SPATA17: variants seen among roughly 807,000 people sequenced by gnomAD.
The protein encoded by SPATA17 is spermatogenesis associated 17, also known as spermatogenesis-associated protein 17.
In SPATA17, 53 loss-of-function variants were observed where a neutral mutation model predicts 62.2. That is an observed-to-expected ratio of 0.85 (90% CI 0.68 to 1.07). SPATA17 has a LOEUF of 1.07. Ranked by LOEUF, SPATA17 falls within the 50% of genes least tolerant of loss-of-function variation. SPATA17 has a pLI of 0.00. For synonymous variants in SPATA17, 146 were observed against 146.8 expected (o/e 0.99, Z 0.04); for missense variants, 466 against 425.5 (o/e 1.10, Z -0.84).
At chr1:217,729,060 C>T (rs1470042331) in intron 5 of SPATA17, among the ~76,000 whole-genome samples, 3 of 152,228 alleles carry the variant, frequency 2.0e-5, no homozygotes, top group Non-Finnish European at 2.9e-5. Context: ...AGGGCATCCT[C>T]TAGCTTGGTT....
chr1:217,864,280 T>C (rs1675956924), intron 10 of SPATA17, among the ~76,000 whole-genome samples: 1 of 152,144 alleles, frequency 6.6e-6, no homozygotes, highest in South Asian at 2.1e-4. Context: ...GTCCTGTTTA[T>C]GATAATGAAA....
At chr1:217,817,558 G>A (rs558535295) in intron 9 of SPATA17, among the ~76,000 whole-genome samples, 1 of 152,128 alleles carries the variant, frequency 6.6e-6, no homozygotes, top group Admixed American at 6.6e-5. Flanking sequence ...CTTTATAGCA[G>A]TGTGAGAATG....
intron 8 of SPATA17, chr1:217,784,934 C>G (rs943777984): frequency 6.6e-6 from 1 of 152,096 alleles, no homozygotes; most frequent in Non-Finnish European, 1.5e-5. Flanking sequence ...GTACCACAAA[C>G]GGATGGCTTA....
intron 5 of SPATA17, among the ~76,000 whole-genome samples, chr1:217,740,040 C>A (rs1255702045): frequency 6.6e-6 from 1 of 151,696 alleles, no homozygotes; most frequent in Non-Finnish European, 1.5e-5. Context: ...TTTTACATTT[C>A]CATATTCTGA....
chr1:217,705,058 A>C (rs1159233245), intron 5 of SPATA17, among the ~76,000 whole-genome samples: 1 of 152,166 alleles, frequency 6.6e-6, no homozygotes, highest in Admixed American at 6.5e-5. Flanking sequence ...CGACCTTGCC[A>C]ACATCTGTTA....
At chr1:217,669,845 AG>A (rs1670794310) in intron 4 of SPATA17, among the ~76,000 whole-genome samples, 1 of 152,164 alleles carries the variant, frequency 6.6e-6, no homozygotes, top group African/African-American at 2.4e-5. Context: ...GGTGAACCAT[AG>A]TGGCTAAGTT....
intron 9 of SPATA17, among the ~76,000 whole-genome samples, chr1:217,854,927 C>T (rs1447581801): frequency 6.6e-6 from 1 of 152,164 alleles, no homozygotes; most frequent in Non-Finnish European, 1.5e-5. Context: ...TTTGTCAAGT[C>T]CCTACTTTGT....
intron 5 of SPATA17, among the ~76,000 whole-genome samples, chr1:217,703,201 C>G (rs112340194): frequency 0.016 from 1,458 of 90,890 alleles, 25 homozygotes; most frequent in African/African-American, 0.058. Flanking sequence ...AATGGAGTCT[C>G]ACTCTGTCGC....
chr1:217,643,838 C>T (rs926041441), intron 1 of SPATA17, among the ~76,000 whole-genome samples: 6 of 151,934 alleles, frequency 3.9e-5, no homozygotes, highest in Non-Finnish European at 7.4e-5. Flanking sequence ...AAGCAATTCT[C>T]CTGCGTTAGC....
chr1:217,791,660 G>A (rs1244625940), intron 8 of SPATA17, among the ~76,000 whole-genome samples: 1 of 152,176 alleles, frequency 6.6e-6, no homozygotes, highest in African/African-American at 2.4e-5. Flanking sequence ...TTGAGAATAT[G>A]TACTTTTAGT....
At chr1:217,734,151 A>C (rs990740026) in intron 5 of SPATA17, among the ~76,000 whole-genome samples, 2 of 152,224 alleles carry the variant, frequency 1.3e-5, no homozygotes, top group Non-Finnish European at 2.9e-5. Context: ...CCAGAATCCT[A>C]GCATTTAAAT....
rs1006756187 is a variant in SPATA17 at position 217,774,308 on chromosome 1, A to G, written c.520-26A>G. 43 of 1,584,236 alleles carry G rather than the reference A, an allele frequency of 2.7e-5. No homozygotes were observed. The Admixed American group carries it at 6.6e-4, about 24-fold the overall frequency. On this transcript the variant is annotated intron_variant, in intron 6 of 10. Transcript: ENST00000366933. ...ATTTCATCTGAAAATTAAAGAAAAAATCAAAATTGCTTTCTTCTTCTTTAG... is the reference window on the plus strand; with the variant it reads ...ATTTCATCTGAAAATTAAAGAAAAAGTCAAAATTGCTTTCTTCTTCTTTAG...
intron 5 of SPATA17, among the ~76,000 whole-genome samples, chr1:217,736,035 C>T (rs1672503500): frequency 6.6e-6 from 1 of 151,524 alleles, no homozygotes; most frequent in East Asian, 1.9e-4. Context: ...TGCTCTTTTT[C>T]CTCAAAAATA....
intron 6 of SPATA17, among the ~76,000 whole-genome samples, chr1:217,752,030 A>G (rs1169751621): frequency 2.6e-5 from 4 of 152,118 alleles, no homozygotes; most frequent in Non-Finnish European, 4.4e-5. Context: ...ATAAAAGAGG[A>G]TAAGTTCATT....
At chr1:217,808,455 G>T (rs1482375962) in intron 9 of SPATA17, among the ~76,000 whole-genome samples, 2 of 152,010 alleles carry the variant, frequency 1.3e-5, no homozygotes, top group African/African-American at 2.4e-5. Context: ...AAGGGTATGG[G>T]TTCCACATAC....
chr1:217,802,823 T>C (rs1674345467), intron 9 of SPATA17, among the ~76,000 whole-genome samples: 2 of 152,158 alleles, frequency 1.3e-5, no homozygotes, highest in Admixed American at 1.3e-4. Flanking sequence ...TCTTTCCATC[T>C]CAAAAGCCAC....
At chr1:217,667,718 C>T (rs914900976) in intron 3 of SPATA17, among the ~76,000 whole-genome samples, 8 of 152,160 alleles carry the variant, frequency 5.3e-5, no homozygotes, top group East Asian at 1.9e-4. Flanking sequence ...TAATATCCAA[C>T]GTATTTCTTC....
intron 9 of SPATA17, among the ~76,000 whole-genome samples, chr1:217,809,671 C>A (rs1674535861): frequency 6.6e-6 from 1 of 152,154 alleles, no homozygotes. Context: ...TGGCACCAAG[C>A]AATTTACGAG....
At chr1:217,749,983 CTCTATA>C (rs1263450865) in intron 6 of SPATA17, among the ~76,000 whole-genome samples, 33 of 24,066 alleles carry the variant, frequency 1.4e-3, no homozygotes, top group Non-Finnish European at 2.1e-3. Flanking sequence ...CTCTCTCTCT[CTCTATA>C]TATATATATA....
Sources: gnomAD v4.1 joint callset for allele counts (sites outside exome capture counted in the v4.1 genomes callset) on GRCh38, gnomAD v4.1.1 for gene constraint, MANE v1.5 for transcripts, NCBI Gene and HGNC (gene_info 2026-07-23, HGNC 2026-07-21) for gene names.